Variants in PARD6G observed in about 807,000 individuals in gnomAD.
PARD6G encodes the protein par-6 family cell polarity regulator gamma.
In PARD6G, 7 loss-of-function variants were observed where a neutral mutation model predicts 10.7. The observed-to-expected ratio is 0.66, with a 90% confidence interval of 0.37 to 1.23. PARD6G has a LOEUF of 1.23. PARD6G is among the 50% of genes most tolerant of loss of function. The pLI, the probability that PARD6G is intolerant of heterozygous loss-of-function variation, is 0.02. For missense variants in PARD6G, 548 were observed against 571.8 expected, an observed-to-expected ratio of 0.96 and a Z score of 0.42; for synonymous variants, 287 against 269.4, an observed-to-expected ratio of 1.07 and a Z score of -0.64.
chr18:80,211,467 G>A (rs188950128), intron 1 of PARD6G, among the ~76,000 whole-genome samples: 122 of 152,328 alleles, frequency 8.0e-4, no homozygotes, highest in African/African-American at 2.8e-3. Context: ...TGGTGATAAC[G>A]TAAAGCAGTG....
At chr18:80,225,665 T>G (rs973256655) in intron 1 of PARD6G, among the ~76,000 whole-genome samples, 5 of 152,206 alleles carry the variant, frequency 3.3e-5, no homozygotes, top group African/African-American at 7.2e-5. Context: ...ACTCTTGCTG[T>G]TTTTTAAAAG....
At position 80,247,367 on chromosome 18, in the gene PARD6G, C is replaced by G; in HGVS notation, c.-19G>C. ...GGTTCATGGTTTCGGCCCCGGTCAG[C>G]CTCGCCGTCGCCCTCGCTCCTCAGG... On this transcript the variant is annotated 5_prime_UTR_variant, in exon 1 of 3. Coordinates refer to ENST00000353265, the MANE Select transcript of PARD6G (RefSeq NM_032510.4). The surrounding 1 kb of genome is among the most constrained non-coding windows in gnomAD (Gnocchi z 4.2). 1 of 1,552,114 alleles carries G rather than the reference C, an allele frequency of 6.4e-7. No individual in the cohort carries two copies. The highest frequency in any genetic ancestry group is 8.7e-7 in the Non-Finnish European group (1 of 1,147,722).
rs1967357737 is a variant in PARD6G, at chr18:80,231,569, G to A, written c.72+15708C>T. Among the ~76,000 whole-genome samples the A allele has an allele frequency of 6.6e-6, 1 of 152,158 alleles. No homozygotes were observed. The highest frequency in any genetic ancestry group is 2.4e-5 in the African/African-American group (1 of 41,426). ...CTGGGTTCCAATCCTCACCTGTACT[G>A]GCTGTGTAACTCTGGATAATTTATT... On this transcript the variant is annotated intron_variant, in intron 1 of 2. Coordinates refer to ENST00000353265, the MANE Select transcript of PARD6G (RefSeq NM_032510.4). This position sits in a 1 kb window ranked among gnomAD's most constrained non-coding sequence, Gnocchi z 4.2.
intron 1 of PARD6G, among the ~76,000 whole-genome samples, chr18:80,224,671 C>T (rs980996010): frequency 1.1e-4 from 16 of 152,146 alleles, no homozygotes; most frequent in Non-Finnish European, 2.1e-4. Context: ...CACGGTGAAA[C>T]CCCATCTCTA....
chr18:80,216,221 G>A (rs1404725546), intron 1 of PARD6G, among the ~76,000 whole-genome samples: 1 of 151,934 alleles, frequency 6.6e-6, no homozygotes, highest in Non-Finnish European at 1.5e-5. Flanking sequence ...ATAAAACTAG[G>A]CAGAAGATCA....
At chr18:80,186,385 A>G (rs1363233861) in intron 2 of PARD6G, among the ~76,000 whole-genome samples, 1 of 135,600 alleles carries the variant, frequency 7.4e-6, no homozygotes, top group Non-Finnish European at 1.5e-5. Context: ...ACATGCTCGC[A>G]CACCCTCACA....
intron 1 of PARD6G, among the ~76,000 whole-genome samples, chr18:80,218,936 G>GTATGT (rs1967199862): frequency 6.6e-6 from 1 of 152,240 alleles, no homozygotes; most frequent in Non-Finnish European, 1.5e-5. Flanking sequence ...CACCTGAGCT[G>GTATGT]TATGTTGGCC....
At chr18:80,167,576 G>A (rs1439993277) in intron 2 of PARD6G, among the ~76,000 whole-genome samples, 1 of 152,118 alleles carries the variant, frequency 6.6e-6, no homozygotes, top group Non-Finnish European at 1.5e-5. Context: ...TTGGGGTCCT[G>A]GGAGGAGGCG....
rs1041597767 is a variant in PARD6G at position 80,188,731 on chromosome 18, A to G, written c.295+13979T>C. The stretch of plus-strand genomic sequence containing the variant: ...ACGGCTTCTCAGGGGCCTGCATCTC[A>G]GAAGATGGGCAGCTCTCGGCCAGTC... On this transcript the variant is annotated intron_variant, in intron 2 of 2. Coordinates refer to ENST00000353265, the MANE Select transcript of PARD6G (RefSeq NM_032510.4). The surrounding 1 kb of genome is among the most constrained non-coding windows in gnomAD (Gnocchi z 5.4). Among the ~76,000 whole-genome samples the G allele has an allele frequency of 1.3e-5, 2 of 152,216 alleles. No homozygotes were observed. The highest frequency in any genetic ancestry group is 4.8e-5 in the African/African-American group (2 of 41,442).
chr18:80,195,358 G>A (rs915885282), intron 2 of PARD6G, among the ~76,000 whole-genome samples: 3 of 151,508 alleles, frequency 2.0e-5, no homozygotes, highest in Middle Eastern at 3.2e-3. Flanking sequence ...CAGGTGCTTG[G>A]AGCAGGCGGG....
intron 2 of PARD6G, among the ~76,000 whole-genome samples, chr18:80,195,544 G>GATATATATATATATATATATATATAT (rs1235414160): frequency 4.2e-5 from 1 of 23,686 alleles, no homozygotes; most frequent in Non-Finnish European, 8.9e-5. Context: ...AGTCTTCAAA[G>GATATATATATATATATATATATATAT]ATACATATAT....
intron 1 of PARD6G, among the ~76,000 whole-genome samples, chr18:80,240,070 AACTC>A (rs1967473410): frequency 1.3e-5 from 2 of 152,312 alleles, no homozygotes; most frequent in Admixed American, 1.3e-4. Flanking sequence ...ATAGAGCAAG[AACTC>A]ACTCATTACC....
At chr18:80,209,666 G>T (rs1967087832) in intron 1 of PARD6G, among the ~76,000 whole-genome samples, 1 of 152,088 alleles carries the variant, frequency 6.6e-6, no homozygotes, top group Non-Finnish European at 1.5e-5. Flanking sequence ...ACAAAAATTA[G>T]CCAGGCGTGG....
chr18:80,203,071 C>A, intron 1 of PARD6G, 139 bp from the exon 2 acceptor site: 1 of 611,136 alleles, frequency 1.6e-6, no homozygotes, highest in Admixed American at 2.7e-5. Flanking sequence ...CACTGATAGA[C>A]ACATAAGTTG....
Position 80,200,906 on chromosome 18 carries a change from T to C in PARD6G, c.295+1804A>G, listed in dbSNP as rs938839231. 1.4e-4 allele frequency among the ~76,000 whole-genome samples: 21 copies of C among 152,232 alleles called. No individual in the cohort carries two copies. Among genetic ancestry groups the C allele is most frequent in the African/African-American group, 5.1e-4 (21 of 41,458 alleles). ...CTCCAAAGGGCACAGTGCCTTCTGC[T>C]GGCCTTCACCCCAGCTCCACAGTCA... On this transcript the variant is annotated intron_variant, in intron 2 of 2. Coordinates refer to ENST00000353265, the MANE Select transcript of PARD6G (RefSeq NM_032510.4). The surrounding 1 kb of genome is among the most constrained non-coding windows in gnomAD (Gnocchi z 4.4).
intron 1 of PARD6G, among the ~76,000 whole-genome samples, chr18:80,234,270 G>A (rs746039850): frequency 6.6e-6 from 1 of 152,098 alleles, no homozygotes; most frequent in Non-Finnish European, 1.5e-5. Context: ...CCACCAGAGG[G>A]ACCCCAGAGA....
chr18:80,198,280 G>C (rs1227450155), intron 2 of PARD6G, among the ~76,000 whole-genome samples: 1 of 152,144 alleles, frequency 6.6e-6, no homozygotes, highest in African/African-American at 2.4e-5. Context: ...TGATGCTAGG[G>C]AACACCTTTC....
At chr18:80,173,195 C>A (rs193021452) in intron 2 of PARD6G, among the ~76,000 whole-genome samples, 1 of 152,296 alleles carries the variant, frequency 6.6e-6, no homozygotes, top group Admixed American at 6.5e-5. Flanking sequence ...AGGTTCCCAA[C>A]ATCATGAGCA....
At chr18:80,196,682 C>A (rs1334255060) in intron 2 of PARD6G, among the ~76,000 whole-genome samples, 1 of 152,108 alleles carries the variant, frequency 6.6e-6, no homozygotes, top group South Asian at 2.1e-4. Context: ...CTGCTCACAG[C>A]GCCTGCAGGG....
Sources: allele counts gnomAD v4.1 joint callset (sites outside exome capture counted in the v4.1 genomes callset), GRCh38; gene constraint gnomAD v4.1.1; non-coding constraint Gnocchi (gnomAD v3.1); transcripts MANE v1.5; gene names NCBI Gene and HGNC (gene_info 2026-07-23, HGNC 2026-07-21).